The following MYH10 variants were observed in gnomAD, a reference collection of about 807,000 sequenced individuals.
MYH10 encodes the protein myosin heavy chain 10.
Under a neutral mutation model 257.8 loss-of-function variants are expected in MYH10, and 55 were observed. The observed-to-expected ratio is 0.21, with a 90% CI of 0.17 to 0.27. The LOEUF is 0.27. Among genes scored for constraint, MYH10 ranks in the 10% least tolerant of loss-of-function variants. The probability of loss-of-function intolerance (pLI) is 1.00; values close to 1 mark genes in which losing one functional copy is unlikely to be tolerated. For synonymous variants in MYH10, 854 were observed against 921.7 expected, an observed-to-expected ratio of 0.93 and a Z score of 1.33; for missense variants, 1,631 against 2,500.6, an observed-to-expected ratio of 0.65 and a Z score of 7.42.
At chr17:8,480,013 CA>C (rs1913409639) in intron 40 of MYH10, 96 bp downstream of exon 40, 1 of 1,198,914 alleles carries the variant, frequency 8.3e-7, no homozygotes. Context: ...GTTCTCTGCC[CA>C]CGTGGTGGGG....
chr17:8,498,348 C>T (rs901678102), intron 30 of MYH10, among the ~76,000 whole-genome samples: 1 of 152,068 alleles, frequency 6.6e-6, no homozygotes, highest in Non-Finnish European at 1.5e-5. Context: ...TGCAGGAGGT[C>T]CTGGATGTAA....
At chr17:8,541,160 C>T (rs1358167311) in intron 14 of MYH10, among the ~76,000 whole-genome samples, 3 of 152,202 alleles carry the variant, frequency 2.0e-5, no homozygotes, top group African/African-American at 7.2e-5. Context: ...ACTGCAGGTA[C>T]TGTACCATCC....
intron 2 of MYH10, among the ~76,000 whole-genome samples, chr17:8,607,286 C>CAAATTCA (rs552023098): frequency 6.6e-6 from 1 of 152,112 alleles, no homozygotes. Flanking sequence ...CGAAAATACA[C>CAAATTCA]AAATTCAGTT....
At chr17:8,508,824 T>C in intron 25 of MYH10, 147 bp from the exon 26 acceptor site, 1 of 841,892 alleles carries the variant, frequency 1.2e-6, no homozygotes, top group Non-Finnish European at 1.8e-6. Flanking sequence ...AATCACATGC[T>C]GCAGAACGAT....
chr17:8,592,967 A>ATATATATATATG (rs1567953227), intron 3 of MYH10, among the ~76,000 whole-genome samples: 3 of 127,262 alleles, frequency 2.4e-5, no homozygotes, highest in Non-Finnish European at 1.7e-5. Flanking sequence ...ATATATATAT[A>ATATATATATATG]TATAAAAGAT....
At chr17:8,562,952 T>C (rs2083046574) in intron 7 of MYH10, among the ~76,000 whole-genome samples, 1 of 152,228 alleles carries the variant, frequency 6.6e-6, no homozygotes, top group South Asian at 2.1e-4. Context: ...GGGGTGATTA[T>C]AATGTATCTA....
Position 8,506,526 on chromosome 17 carries a change from G to T in MYH10, c.3215-37C>A. 6.3e-7 allele frequency: 1 copy of T among 1,585,268 alleles called. No homozygotes were observed. The highest frequency in any genetic ancestry group is 8.6e-7 in the Non-Finnish European group (1 of 1,169,170). On this transcript the variant is annotated intron_variant, in intron 26 of 42. Transcript: ENST00000360416. The surrounding 1 kb of genome is among the most constrained non-coding windows in gnomAD (Gnocchi z 5.0). ...GACATAAGAAGCTCTTCAACACACC[G>T]AGTGACTCACCACAGGAATAAACTA...
intron 7 of MYH10, among the ~76,000 whole-genome samples, chr17:8,567,132 A>C (rs1404423317): frequency 6.6e-6 from 1 of 152,228 alleles, no homozygotes; most frequent in Non-Finnish European, 1.5e-5. Context: ...ATAGCCACTA[A>C]ACACAGGGCA....
At chr17:8,496,182 CAGTG>C (rs1422888587) in intron 30 of MYH10, among the ~76,000 whole-genome samples, 2 of 152,184 alleles carry the variant, frequency 1.3e-5, no homozygotes, top group East Asian at 1.9e-4. Context: ...TTTTTGACGA[CAGTG>C]GGTGCTGGGA....
intron 2 of MYH10, among the ~76,000 whole-genome samples, chr17:8,619,849 C>T (rs969527612): frequency 1.3e-5 from 2 of 151,944 alleles, no homozygotes; most frequent in African/African-American, 4.8e-5. Context: ...TCACTTGAAC[C>T]GGGAGGCGGA....
intron 9 of MYH10, among the ~76,000 whole-genome samples, chr17:8,551,831 C>T (rs879524891): frequency 5.3e-5 from 8 of 151,856 alleles, no homozygotes; most frequent in Non-Finnish European, 1.2e-4. Flanking sequence ...AATAAAAGTA[C>T]AAAAGATTAT....
chr17:8,494,886 T>TGAATGGCAGC (rs1191846450), intron 31 of MYH10, among the ~76,000 whole-genome samples: 1 of 152,186 alleles, frequency 6.6e-6, no homozygotes, highest in Non-Finnish European at 1.5e-5. Context: ...GCAGCGGCCG[T>TGAATGGCAGC]GAATGGCAGC....
rs574229038 is a variant in MYH10, at chr17:8,587,049, C to G, written c.530+2032G>C. The stretch of plus-strand genomic sequence containing the variant: ...CTTGAACAATGCTTACACACTGGAG[C>G]TTGCCCTCTTGCTGCTGTTGAACGC... On this transcript the variant is annotated intron_variant, in intron 4 of 42. Coordinates refer to ENST00000360416, the MANE Select transcript of MYH10 (RefSeq NM_001256012.3). Among the ~76,000 whole-genome samples the G allele has an allele frequency of 2.6e-5, 4 of 152,310 alleles. No homozygotes were observed. The South Asian group carries it at 8.3e-4, about 32-fold the overall frequency.
intron 3 of MYH10, among the ~76,000 whole-genome samples, chr17:8,593,205 C>T (rs2084238804): frequency 6.6e-6 from 1 of 151,684 alleles, no homozygotes; most frequent in Admixed American, 6.6e-5. Context: ...AAAGGTCAGT[C>T]ACAAACAACC....
chr17:8,512,427 C>T, intron 24 of MYH10, 24 bp downstream of exon 24: 1 of 1,575,080 alleles, frequency 6.3e-7, no homozygotes, highest in Non-Finnish European at 8.6e-7. Context: ...AAATATGCTT[C>T]TAAGTAAAAA....
At chr17:8,538,972 T>C (rs1323647821) in intron 14 of MYH10, among the ~76,000 whole-genome samples, 2 of 152,310 alleles carry the variant, frequency 1.3e-5, no homozygotes, top group Middle Eastern at 3.4e-3. Flanking sequence ...AATTCATTCA[T>C]GGATCAATGG....
In MYH10 at chr17:8,504,800, G is replaced by T. The variant is rs766124682; in HGVS notation, c.3493C>A (p.Arg1165=). Residue 1165 remains arginine, a synonymous_variant, in exon 28 of 43, where the codon CGG becomes AGG. Transcript: ENST00000360416. This position sits in a 1 kb window ranked among gnomAD's most constrained non-coding sequence, Gnocchi z 5.6. The part of the protein sequence containing the change: ...QEDFESEKAS[R]NKAEKQKRDL... ...CTTTTCTGCTTTTCGGCCTTGTTCC[G>T]TGAAGCCTTCTCGGATTCAAAGTCT... is the stretch of plus-strand genomic sequence containing the variant. The T allele has an allele frequency of 1.9e-6, 3 of 1,614,022 alleles. No homozygotes were observed. Among genetic ancestry groups the T allele is most frequent in the Admixed American group, 3.3e-5 (2 of 60,008 alleles).
intron 24 of MYH10, 68 bp from the exon 25 acceptor site, chr17:8,510,017 G>C: frequency 6.8e-7 from 1 of 1,464,102 alleles, no homozygotes; most frequent in South Asian, 1.3e-5. Flanking sequence ...TTGTGCACAG[G>C]AATGCATTAC....
At chr17:8,509,242 A>G (rs2081178169) in intron 25 of MYH10, among the ~76,000 whole-genome samples, 1 of 152,268 alleles carries the variant, frequency 6.6e-6, no homozygotes, top group African/African-American at 2.4e-5. Flanking sequence ...TATTCAGGAC[A>G]GTAACATGCT....
Sources: gnomAD v4.1 joint callset for allele counts (sites outside exome capture counted in the v4.1 genomes callset) on GRCh38, gnomAD v4.1.1 for gene constraint, Gnocchi (gnomAD v3.1) non-coding constraint, MANE v1.5 for transcripts, NCBI Gene and HGNC (gene_info 2026-07-23, HGNC 2026-07-21) for gene names.